The following MRPS18C variants were observed in gnomAD, a reference collection of about 807,000 sequenced individuals.
MRPS18C encodes the protein mitochondrial ribosomal protein S18C.
In MRPS18C, 21 loss-of-function variants were observed where a neutral mutation model predicts 21.0. The observed-to-expected ratio is 1.00, with a 90% CI of 0.71 to 1.44. MRPS18C has a LOEUF of 1.44. Among genes scored for constraint, MRPS18C ranks in the 40% most tolerant of loss-of-function variants. The pLI is 0.00. For synonymous variants in MRPS18C, 65 were observed against 54.3 expected (o/e 1.20, Z -0.87); for missense variants, 152 against 171.5 (o/e 0.89, Z 0.64).
In MRPS18C at chr4:83,461,051, A is replaced by G; in HGVS notation, c.352+19A>G. ...ATAATGGGTAAGAAAGAATACCTCA[A>G]CAACTGAATTGAGCTAGCTGAAATT... is the stretch of plus-strand genomic sequence containing the variant. On this transcript the variant is annotated intron_variant, in intron 5 of 5. Transcript: ENST00000295491. 1 of 1,612,520 alleles carries G rather than the reference A, an allele frequency of 6.2e-7. No individual in the cohort carries two copies. The highest frequency in any genetic ancestry group is 8.5e-7 in the Non-Finnish European group (1 of 1,178,826).
chr4:83,456,906 C>G lies in MRPS18C; in HGVS notation c.101-3C>G, dbSNP rs765820207. 1 of 1,610,764 alleles carries G rather than the reference C, an allele frequency of 6.2e-7. No homozygotes were observed. On this transcript the variant is annotated splice_polypyrimidine_tract_variant and splice_region_variant and intron_variant, in intron 1 of 5. Coordinates refer to ENST00000295491, the MANE Select transcript of MRPS18C (RefSeq NM_016067.4). The stretch of plus-strand genomic sequence containing the variant: ...GTTAATTGCTGTTTCTGTTTAATCG[C>G]AGTGCTTTGGAGAAGAGGTTGTTCA...
rs140245451 is a variant in MRPS18C at position 83,461,216 on chromosome 4, T to C, written c.*19T>C. 6.2e-7 allele frequency: 1 copy of C among 1,602,226 alleles called. No individual in the cohort carries two copies. The highest frequency in any genetic ancestry group is 1.3e-5 in the African/African-American group (1 of 74,752). ...GGAATAAATTCTATCACGTTACCAC[T>C]AATAAACTTATTTTACAGTAAGTGG... On this transcript the variant is annotated 3_prime_UTR_variant, in exon 6 of 6. Transcript: ENST00000295491.
In MRPS18C at chr4:83,461,398, A is replaced by G. The variant is rs1403385390; in HGVS notation, c.*201A>G. The G allele has an allele frequency of 4.0e-5, 22 of 544,712 alleles. No homozygotes were observed. The highest frequency in any genetic ancestry group is 7.3e-5 in the Non-Finnish European group (22 of 302,584). 33.7% of individuals were successfully genotyped at this position (544,712 alleles called of 1,614,324 possible). A position where few individuals can be genotyped will look rare whatever the true frequency, so the allele number is the denominator to read the frequency against. On this transcript the variant is annotated 3_prime_UTR_variant, in exon 6 of 6. Transcript: ENST00000295491. ...ATCACATTTTATCTATGTTGAATAA[A>G]AGTGGTTCTGTGTGATTGTCATTTA...
chr4:83,459,990 G>C, intron 4 of MRPS18C, 193 bp downstream of exon 4: 3 of 454,002 alleles, frequency 6.6e-6, no homozygotes, highest in Non-Finnish European at 3.9e-6. Flanking sequence ...GTCTTATGCA[G>C]AGTTAACTAT....
chr4:83,459,731 C>T lies in MRPS18C; in HGVS notation c.235-9C>T. The T allele has an allele frequency of 6.2e-7, 1 of 1,607,976 alleles. No homozygotes were observed. Among genetic ancestry groups the T allele is most frequent in the Non-Finnish European group, 8.5e-7 (1 of 1,177,114 alleles). ...TTTTTTTTCCCCTCCACATAAAACT[C>T]CAAAACAGCTTTTGTCCCAGTTTGT... On this transcript the variant is annotated splice_polypyrimidine_tract_variant and intron_variant, in intron 3 of 5. Transcript: ENST00000295491.
At position 83,461,019 on chromosome 4, in the gene MRPS18C, A is replaced by G. The variant is rs570659348; in HGVS notation, c.339A>G (p.Arg113=). ...AAGAAATCACAAAAGCAATTAAGAG[A>G]GCTCAAATAATGGGTAAGAAAGAAT... ...KQKEITKAIK[R]AQIMGFMPVT... The change falls in exon 5 of 6, where the codon AGA becomes AGG. Residue 113 remains arginine, a synonymous_variant. Transcript: ENST00000295491. 2.2e-4 allele frequency: 356 copies of G among 1,612,130 alleles called. 2 individuals are homozygous for G. The South Asian group carries it at 3.7e-3, about 17-fold the overall frequency.
chr4:83,456,696 AAT>A (rs1721840970), intron 1 of MRPS18C, among the ~76,000 whole-genome samples: 1 of 152,150 alleles, frequency 6.6e-6, no homozygotes, highest in Non-Finnish European at 1.5e-5. Context: ...TGGGCGGGAA[AAT>A]ATGTTCTTTT....
intron 3 of MRPS18C, 186 bp downstream of exon 3, chr4:83,458,615 G>T (rs1578117841): frequency 4.4e-6 from 2 of 450,974 alleles, no homozygotes; most frequent in South Asian, 3.3e-5. Context: ...AAGCACCTTG[G>T]CTTTCCCCCA....
chr4:83,457,796 G>A (rs1035221053), intron 2 of MRPS18C: 2 of 154,632 alleles, frequency 1.3e-5, no homozygotes, highest in African/African-American at 4.8e-5. Flanking sequence ...CATACTGACT[G>A]TAGGAAGGAG....
At chr4:83,458,650 T>C (rs1457040270) in intron 3 of MRPS18C, 3 of 408,848 alleles carry the variant, frequency 7.3e-6, no homozygotes, top group Non-Finnish European at 1.3e-5. Context: ...CACTCTGTTT[T>C]TTTCACTACC....
At chr4:83,459,840 T>C in intron 4 of MRPS18C, 43 bp downstream of exon 4, 1 of 1,468,894 alleles carries the variant, frequency 6.8e-7, no homozygotes, top group African/African-American at 1.4e-5. Context: ...TAGATACGAA[T>C]TATATCAATC....
rs1037478362 is a variant in MRPS18C, at chr4:83,457,131, GAATT to G, written c.150+174_150+177del. On this transcript the variant is annotated intron_variant, in intron 2 of 5. Transcript: ENST00000295491. ...TTACTCTGAGTTCAGAAATGATGATGAATTGATTGTAGTCATGTAGTCAGCTGAG... is the reference window on the plus strand; with the variant it reads ...TTACTCTGAGTTCAGAAATGATGATGGATTGTAGTCATGTAGTCAGCTGAG... 4.7e-5 allele frequency: 26 copies of G among 551,454 alleles called. 1 individual carries two copies. The highest frequency in any genetic ancestry group is 4.6e-4 in the Admixed American group (13 of 28,070). The allele number at this position is 551,454 out of a possible 1,614,324, so 34.2% of individuals were successfully genotyped here. A position where few individuals can be genotyped will look rare whatever the true frequency, so the allele number is the denominator to read the frequency against.
At position 83,456,163 on chromosome 4, in the gene MRPS18C, C is replaced by T; in HGVS notation, c.86C>T (p.Pro29Leu). The change falls in exon 1 of 6, where the codon CCC becomes CTC. Residue 29 changes from proline (P) to leucine (L), a missense_variant. Pro to Leu is a moderately conservative substitution (Grantham distance 98, BLOSUM62 -3). This residue lies in a region of MRPS18C where 118 missense variants were observed against 104.4 expected (regional missense o/e 1.13). Coordinates refer to ENST00000295491, the MANE Select transcript of MRPS18C (RefSeq NM_016067.4). ...LVTAAVSLTH[P>L]GTHTVLWRRG... ...ACGGCTGCTGTCAGCCTTACACATCCCGGGACTCACACGGGTAAAGTCTCC... is the reference window on the plus strand; with the variant it reads ...ACGGCTGCTGTCAGCCTTACACATCTCGGGACTCACACGGGTAAAGTCTCC... 3 of 1,613,850 alleles carry T rather than the reference C, an allele frequency of 1.9e-6. No homozygotes were observed. The highest frequency in any genetic ancestry group is 1.1e-5 in the South Asian group (1 of 91,070).
At chr4:83,456,211 G>A (rs776827148) in intron 1 of MRPS18C, 34 bp downstream of exon 1, 8 of 1,582,758 alleles carry the variant, frequency 5.1e-6, no homozygotes, top group Non-Finnish European at 6.9e-6. Flanking sequence ...CCATTGTAGC[G>A]CTGCAGGCAT....
chr4:83,456,797 CCTTT>C (rs1427625930), intron 1 of MRPS18C, 108 bp from the exon 2 acceptor site: 19 of 1,056,358 alleles, frequency 1.8e-5, no homozygotes, highest in African/African-American at 3.2e-5. Context: ...TAATACAAAA[CCTTT>C]CTTTAATATC....
At chr4:83,460,548 C>T in intron 4 of MRPS18C, 1 of 200,442 alleles carries the variant, frequency 5.0e-6, no homozygotes, top group South Asian at 8.3e-5. Flanking sequence ...GACTGTATGG[C>T]CCACAAAACC....
intron 1 of MRPS18C, among the ~76,000 whole-genome samples, chr4:83,456,401 C>T (rs902913037): frequency 6.6e-6 from 1 of 152,122 alleles, no homozygotes; most frequent in African/African-American, 2.4e-5. Flanking sequence ...TCTTAAAAAG[C>T]AGAGACTTTC....
intron 2 of MRPS18C, chr4:83,458,105 A>T: frequency 2.5e-6 from 1 of 394,190 alleles, no homozygotes; most frequent in African/African-American, 2.1e-5. Flanking sequence ...ACACTTTCTT[A>T]TCAGACATCA....
In MRPS18C at chr4:83,460,950, TAAGA is replaced by T; in HGVS notation, c.293-19_293-16del. 1 of 1,581,346 alleles carries T rather than the reference TAAGA, an allele frequency of 6.3e-7. No individual in the cohort carries two copies. Among genetic ancestry groups the T allele is most frequent in the Non-Finnish European group, 8.6e-7 (1 of 1,168,188 alleles). ...TTTAAATATTGACATTTTTTATGAA[TAAGA>T]AAGCTTTTTATTTTACAGGTCTTTG... is the stretch of plus-strand genomic sequence containing the variant. On this transcript the variant is annotated intron_variant, in intron 4 of 5. Coordinates refer to ENST00000295491, the MANE Select transcript of MRPS18C (RefSeq NM_016067.4).
Sources: gnomAD v4.1 joint callset for allele counts (sites outside exome capture counted in the v4.1 genomes callset) on GRCh38, gnomAD v4.1.1 for gene constraint, gnomAD v4.1.1 regional missense constraint, MANE v1.5 for transcripts, NCBI Gene and HGNC (gene_info 2026-07-23, HGNC 2026-07-21) for gene names.